PAX3: variants seen among roughly 807,000 people sequenced by gnomAD.
PAX3 encodes the protein paired box 3, also known as paired box protein Pax-3.
Under a neutral mutation model 51.6 loss-of-function variants are expected in PAX3, and 14 were observed. The ratio of observed to expected loss-of-function variants is 0.27; its 90% CI spans 0.18 to 0.42. The LOEUF is 0.42. Among genes scored for constraint, PAX3 ranks in the 10% least tolerant of loss-of-function variants. The probability of loss-of-function intolerance (pLI) is 1.00; values close to 1 mark genes in which losing one functional copy is unlikely to be tolerated. For synonymous variants in PAX3, 280 were observed against 253.4 expected (o/e 1.11, Z -1.00); for missense variants, 540 against 642.8 (o/e 0.84, Z 1.73).
At chr2:222,219,276 C>A (rs1242910078) in intron 7 of PAX3, among the ~76,000 whole-genome samples, 1 of 152,088 alleles carries the variant, frequency 6.6e-6, no homozygotes, top group Admixed American at 6.6e-5. Flanking sequence ...GCTGTTCAAA[C>A]TCTCTGAAGA....
chr2:222,228,445 A>G (rs1168643264), intron 5 of PAX3, among the ~76,000 whole-genome samples: 1 of 152,204 alleles, frequency 6.6e-6, no homozygotes, highest in Non-Finnish European at 1.5e-5. Context: ...GAGCCAGATG[A>G]GAATGCTGGG....
At chr2:222,210,469 A>ACATT (rs1691682839) in intron 7 of PAX3, among the ~76,000 whole-genome samples, 1 of 152,172 alleles carries the variant, frequency 6.6e-6, no homozygotes, top group Admixed American at 6.6e-5. Flanking sequence ...TTTCAAAAAT[A>ACATT]CATTCATTCA....
intron 5 of PAX3, among the ~76,000 whole-genome samples, chr2:222,226,718 T>C (rs1038657871): frequency 1.1e-4 from 17 of 150,200 alleles, no homozygotes; most frequent in African/African-American, 4.1e-4. Context: ...CCTGAGAAAT[T>C]ATGCATTTGG....
rs369502329 is a variant in PAX3 at position 222,265,469 on chromosome 2, C to A, written c.586+28698G>T. The stretch of plus-strand genomic sequence containing the variant: ...GAGATCCAGACCATCCTGGCTAACA[C>A]GGTGAAACCCCATCTCTACTAAAAA... On this transcript the variant is annotated intron_variant, in intron 4 of 8. Coordinates refer to ENST00000392070, the MANE Select transcript of PAX3 (RefSeq NM_181458.4). 1.1e-3 allele frequency among the ~76,000 whole-genome samples: 172 copies of A among 151,676 alleles called. 2 individuals carry two copies. The South Asian group carries it at 0.026, about 23-fold the overall frequency.
intron 7 of PAX3, among the ~76,000 whole-genome samples, chr2:222,213,128 G>A (rs891937818): frequency 1.3e-5 from 2 of 152,154 alleles, no homozygotes; most frequent in Non-Finnish European, 2.9e-5. Context: ...TTTCAGTGAC[G>A]TGATGTAAGA....
intron 5 of PAX3, among the ~76,000 whole-genome samples, chr2:222,229,174 C>A (rs1692491482): frequency 6.6e-6 from 1 of 150,658 alleles, no homozygotes; most frequent in Non-Finnish European, 1.5e-5. Context: ...AATTTGTCTG[C>A]CCTTTTGATT....
Position 222,297,164 on chromosome 2 carries a change from A to G in PAX3, c.135T>C (p.Phe45=), listed in dbSNP as rs1197917720. The G allele has an allele frequency of 3.7e-6, 6 of 1,604,844 alleles. No homozygotes were observed. The highest frequency in any genetic ancestry group is 8.5e-7 in the Non-Finnish European group (1 of 1,176,010). ...GGTTGGGCAGCGGCCTGCCGTTGAT[A>G]AAAACACCGCCGAGCTGGTTGACGC... The part of the protein sequence containing the change: ...QGRVNQLGGV[F]INGRPLPNHI... Residue 45 remains phenylalanine, a synonymous_variant, in exon 2 of 9, where the codon TTT becomes TTC. Coordinates refer to ENST00000392070, the MANE Select transcript of PAX3 (RefSeq NM_181458.4).
At chr2:222,244,630 G>T (rs1693147724) in intron 4 of PAX3, among the ~76,000 whole-genome samples, 2 of 151,682 alleles carry the variant, frequency 1.3e-5, no homozygotes, top group Admixed American at 6.6e-5. Context: ...AAGCTTTGCA[G>T]GTATTTGTAG....
At chr2:222,232,042 G>T (rs1028313299) in intron 5 of PAX3, 36 bp downstream of exon 5, 13 of 1,586,766 alleles carry the variant, frequency 8.2e-6, no homozygotes, top group African/African-American at 1.3e-5. Flanking sequence ...TTCCTGTCTG[G>T]ACTGAAGTAG....
At chr2:222,246,457 A>G (rs1040313611) in intron 4 of PAX3, among the ~76,000 whole-genome samples, 3 of 152,254 alleles carry the variant, frequency 2.0e-5, no homozygotes, top group African/African-American at 7.2e-5. Context: ...TTTTCATACT[A>G]CAAAAGTACA....
chr2:222,290,253 C>T (rs185058858), intron 4 of PAX3, among the ~76,000 whole-genome samples: 2 of 152,180 alleles, frequency 1.3e-5, no homozygotes, highest in South Asian at 2.1e-4. Flanking sequence ...ACCTCCCCCC[C>T]AAAAAGCTGA....
chr2:222,297,898 C>G (rs1275006521), intron 1 of PAX3, among the ~76,000 whole-genome samples: 2 of 152,180 alleles, frequency 1.3e-5, no homozygotes, highest in African/African-American at 4.8e-5. Flanking sequence ...GCGCCCTAAC[C>G]TGGAAAACCA....
intron 4 of PAX3, chr2:222,293,583 A>G (rs1283681119): frequency 6.3e-7 from 1 of 1,581,434 alleles, no homozygotes; most frequent in East Asian, 2.2e-5. Context: ...CCAGGCACAC[A>G]CAGGTTAAAC....
chr2:222,274,722 G>GA (rs1044446763), intron 4 of PAX3, among the ~76,000 whole-genome samples: 6 of 151,428 alleles, frequency 4.0e-5, no homozygotes, highest in East Asian at 1.9e-4. Flanking sequence ...AGAAAACATG[G>GA]AAAAAAAATA....
At chr2:222,282,277 GA>G (rs1277054587) in intron 4 of PAX3, among the ~76,000 whole-genome samples, 3 of 152,100 alleles carry the variant, frequency 2.0e-5, no homozygotes, top group African/African-American at 2.4e-5. Flanking sequence ...TTCACAGGCT[GA>G]AACGTCTAGC....
intron 4 of PAX3, among the ~76,000 whole-genome samples, chr2:222,288,120 G>C (rs1694898266): frequency 6.6e-6 from 1 of 152,142 alleles, no homozygotes; most frequent in Non-Finnish European, 1.5e-5. Flanking sequence ...CAAATATATT[G>C]TGTTCTTAAA....
At chr2:222,229,989 G>T (rs1303880796) in intron 5 of PAX3, among the ~76,000 whole-genome samples, 1 of 152,042 alleles carries the variant, frequency 6.6e-6, no homozygotes, top group African/African-American at 2.4e-5. Flanking sequence ...TTCAAGAAGA[G>T]CCTGGGCAAC....
chr2:222,215,935 T>G (rs1323919537), intron 7 of PAX3, among the ~76,000 whole-genome samples: 1 of 152,162 alleles, frequency 6.6e-6, no homozygotes, highest in Non-Finnish European at 1.5e-5. Flanking sequence ...AAAAAGGTTA[T>G]GCAGTTCAAA....
At chr2:222,202,358 A>G (rs1691329806) in intron 7 of PAX3, among the ~76,000 whole-genome samples, 168 bp from the exon 8 acceptor site, 1 of 152,108 alleles carries the variant, frequency 6.6e-6, no homozygotes, top group Non-Finnish European at 1.5e-5. Context: ...ATATTACATC[A>G]TGCCCGACGA....
Sources: gnomAD v4.1 joint callset for allele counts (sites outside exome capture counted in the v4.1 genomes callset) on GRCh38, gnomAD v4.1.1 for gene constraint, MANE v1.5 for transcripts, NCBI Gene and HGNC (gene_info 2026-07-23, HGNC 2026-07-21) for gene names.